Variants in TBC1D19 observed in about 807,000 individuals in gnomAD.
TBC1D19 encodes the protein TBC1 domain family, member 19.
In TBC1D19, 60 loss-of-function variants were observed where a neutral mutation model predicts 89.0. The observed-to-expected ratio is 0.67, with a 90% CI of 0.55 to 0.84. The LOEUF is 0.84. Among genes scored for constraint, TBC1D19 ranks in the 40% least tolerant of loss-of-function variants. The pLI, the probability that TBC1D19 is intolerant of heterozygous loss-of-function variation, is 0.00. For missense variants in TBC1D19, 500 were observed against 610.8 expected (o/e 0.82, Z 1.91); for synonymous variants, 189 against 199.7 (o/e 0.95, Z 0.45).
chr4:26,837,378 T>C, the TBC1D19 span, among the ~76,000 whole-genome samples: 1 of 152,152 alleles, frequency 6.6e-6, no homozygotes, highest in South Asian at 2.1e-4. Flanking sequence ...ATGTAGTATT[T>C]AGAGGCACTG....
chr4:26,735,175 T>C (rs1717967566), intron 15 of TBC1D19, among the ~76,000 whole-genome samples: 3 of 151,578 alleles, frequency 2.0e-5, no homozygotes, highest in African/African-American at 7.2e-5. Context: ...TATGTACACA[T>C]ATATACACGT....
exon 1 of TBC1D19, chr4:26,576,726 G>C: frequency 2.2e-6 from 1 of 456,226 alleles, no homozygotes; most frequent in South Asian, 1.5e-5. Context: ...AGGGCAGAGA[G>C]CCACAGAGCC....
chr4:26,825,144 G>A, the TBC1D19 span, among the ~76,000 whole-genome samples: 1 of 151,670 alleles, frequency 6.6e-6, no homozygotes, highest in African/African-American at 2.4e-5. Context: ...CTGTCATCAG[G>A]CTAGATTGCA....
the TBC1D19 span, among the ~76,000 whole-genome samples, chr4:26,824,745 A>C: frequency 1.3e-5 from 2 of 151,932 alleles, no homozygotes; most frequent in African/African-American, 4.8e-5. Context: ...ACATCTTTGC[A>C]CATATTTCTG....
the TBC1D19 span, among the ~76,000 whole-genome samples, chr4:26,847,879 G>A: frequency 6.6e-6 from 1 of 152,212 alleles, no homozygotes; most frequent in Non-Finnish European, 1.5e-5. Flanking sequence ...GAAGGACAGA[G>A]CAGTCATTGA....
At chr4:26,701,193 AC>A (rs1443139258) in intron 13 of TBC1D19, among the ~76,000 whole-genome samples, 1 of 152,096 alleles carries the variant, frequency 6.6e-6, no homozygotes, top group Non-Finnish European at 1.5e-5. Context: ...TCAATTTTGG[AC>A]TTAACAGACA....
chr4:26,800,590 C>T, the TBC1D19 span, among the ~76,000 whole-genome samples: 9 of 152,282 alleles, frequency 5.9e-5, no homozygotes, highest in African/African-American at 1.9e-4. Flanking sequence ...CACTGACTTC[C>T]GCAATGGTTG....
At chr4:26,602,229 G>A (rs1475965150) in intron 1 of TBC1D19, among the ~76,000 whole-genome samples, 1 of 152,172 alleles carries the variant, frequency 6.6e-6, no homozygotes, top group Non-Finnish European at 1.5e-5. Flanking sequence ...GTCTAATGCA[G>A]TGGTTCTCAA....
intron 4 of TBC1D19, among the ~76,000 whole-genome samples, chr4:26,621,164 G>T (rs1030854553): frequency 6.6e-6 from 1 of 152,098 alleles, no homozygotes; most frequent in Admixed American, 6.6e-5. Flanking sequence ...ATCAAAATGG[G>T]TTGGCAAAAA....
At chr4:26,829,578 C>A in the TBC1D19 span, among the ~76,000 whole-genome samples, 1 of 152,162 alleles carries the variant, frequency 6.6e-6, no homozygotes, top group South Asian at 2.1e-4. Context: ...GGAATTTTCC[C>A]ATTTTTCCCC....
intron 13 of TBC1D19, among the ~76,000 whole-genome samples, chr4:26,700,026 A>G (rs1002709014): frequency 6.6e-6 from 1 of 152,032 alleles, no homozygotes; most frequent in Non-Finnish European, 1.5e-5. Context: ...AATAAAAAAG[A>G]AATTAAAAGG....
the TBC1D19 span, among the ~76,000 whole-genome samples, chr4:26,817,652 A>G: frequency 6.6e-6 from 1 of 152,110 alleles, no homozygotes; most frequent in Non-Finnish European, 1.5e-5. Flanking sequence ...GACTGGTCTC[A>G]TACTTTGTTT....
At chr4:26,576,698 A>G (rs1182038130) in exon 1 of TBC1D19, 9 of 455,902 alleles carry the variant, frequency 2.0e-5, no homozygotes, top group Non-Finnish European at 4.0e-5. Flanking sequence ...GAATTCACGG[A>G]CAGAAGAACA....
chr4:26,629,437 T>C (rs1174942739), intron 4 of TBC1D19, among the ~76,000 whole-genome samples: 1 of 152,020 alleles, frequency 6.6e-6, no homozygotes, highest in African/African-American at 2.4e-5. Flanking sequence ...GACCTGAGTC[T>C]CTCTTTTCAC....
chr4:26,587,623 G>A (rs1301841693), intron 1 of TBC1D19, among the ~76,000 whole-genome samples: 1 of 136,484 alleles, frequency 7.3e-6, no homozygotes, highest in Non-Finnish European at 1.6e-5. Flanking sequence ...TTTTTTTCTT[G>A]TAACACTTTG....
chr4:26,750,970 G>C (rs1294088853), intron 19 of TBC1D19, among the ~76,000 whole-genome samples: 1 of 152,160 alleles, frequency 6.6e-6, no homozygotes, highest in African/African-American at 2.4e-5. Flanking sequence ...TTGAAGAACA[G>C]TTTAAAGCAA....
chr4:26,602,789 A>G (rs1740725286), intron 1 of TBC1D19, among the ~76,000 whole-genome samples: 1 of 152,098 alleles, frequency 6.6e-6, no homozygotes, highest in South Asian at 2.1e-4. Flanking sequence ...AAAAAAAAAA[A>G]GAACCAGTTT....
intron 12 of TBC1D19, among the ~76,000 whole-genome samples, chr4:26,686,278 T>C (rs1437561538): frequency 6.6e-6 from 1 of 152,154 alleles, no homozygotes; most frequent in Admixed American, 6.5e-5. Context: ...TCAAACAGTC[T>C]ACAAAATTCA....
At position 26,589,564 on chromosome 4, in the gene TBC1D19, C is replaced by T. The variant is rs187431942; in HGVS notation, c.99+5272C>T. On this transcript the variant is annotated intron_variant, in intron 1 of 20. Transcript: ENST00000264866. ...TTTATCCTTGGATGTGGAGCTTTCC[C>T]AGCTTTGGCATGTTCCATCCCCTTA... is the stretch of plus-strand genomic sequence containing the variant. 7.2e-5 allele frequency among the ~76,000 whole-genome samples: 11 copies of T among 152,226 alleles called. No homozygotes were observed. The East Asian group carries it at 2.1e-3, about 29-fold the overall frequency.
Sources: gnomAD v4.1 joint callset for allele counts (sites outside exome capture counted in the v4.1 genomes callset) on GRCh38, gnomAD v4.1.1 for gene constraint, MANE v1.5 for transcripts, NCBI Gene and HGNC (gene_info 2026-07-23, HGNC 2026-07-21) for gene names.